The following ENTREP2 variants were observed in gnomAD, a reference collection of about 807,000 sequenced individuals.
ENTREP2 encodes the protein endosomal transmembrane epsin interactor 2.
chr15:29,300,250 G>GGATA, the ENTREP2 span, among the ~76,000 whole-genome samples: 3 of 148,716 alleles, frequency 2.0e-5, no homozygotes, highest in African/African-American at 5.0e-5. Flanking sequence ...ATGGATGGAT[G>GGATA]GATGGATGGA....
At chr15:29,672,026 G>A in the ENTREP2 span, among the ~76,000 whole-genome samples, 4 of 152,174 alleles carry the variant, frequency 2.6e-5, no homozygotes, top group African/African-American at 7.2e-5. Context: ...TCACTCTGTC[G>A]CCCAGGCTGG....
At chr15:29,621,214 C>A in the ENTREP2 span, among the ~76,000 whole-genome samples, 13 of 150,928 alleles carry the variant, frequency 8.6e-5, no homozygotes, top group Non-Finnish European at 1.6e-4. Flanking sequence ...ACGGTGAAAC[C>A]CCGTCTCTAC....
chr15:29,649,798 C>T, the ENTREP2 span, among the ~76,000 whole-genome samples: 3 of 150,402 alleles, frequency 2.0e-5, no homozygotes, highest in East Asian at 5.9e-4. Flanking sequence ...TGGCTAAAAT[C>T]AGGTTGTTCT....
the ENTREP2 span, among the ~76,000 whole-genome samples, chr15:29,626,414 G>A: frequency 1.3e-5 from 2 of 152,132 alleles, no homozygotes; most frequent in Non-Finnish European, 2.9e-5. Flanking sequence ...CCCTGCACAA[G>A]CTCTCTTGCC....
the ENTREP2 span, among the ~76,000 whole-genome samples, chr15:29,602,330 A>T: frequency 6.6e-6 from 1 of 151,434 alleles, no homozygotes; most frequent in African/African-American, 2.4e-5. Context: ...TAGATGTAAC[A>T]CAGTATTGAA....
chr15:29,506,812 G>A, the ENTREP2 span, among the ~76,000 whole-genome samples: 1 of 152,244 alleles, frequency 6.6e-6, no homozygotes, highest in Non-Finnish European at 1.5e-5. Flanking sequence ...AAACCAAAAT[G>A]TAAAGACTAT....
At chr15:29,603,764 G>A in the ENTREP2 span, among the ~76,000 whole-genome samples, 8 of 151,998 alleles carry the variant, frequency 5.3e-5, no homozygotes, top group Non-Finnish European at 1.0e-4. Flanking sequence ...TCAGCCTCCC[G>A]AGTAGCTGGG....
chr15:29,455,985 G>T, the ENTREP2 span, among the ~76,000 whole-genome samples: 1 of 152,152 alleles, frequency 6.6e-6, no homozygotes, highest in African/African-American at 2.4e-5. Context: ...GGCTCCCACT[G>T]ATTCTACATT....
the ENTREP2 span, among the ~76,000 whole-genome samples, chr15:29,670,934 G>A: frequency 1.3e-5 from 2 of 152,190 alleles, no homozygotes; most frequent in African/African-American, 4.8e-5. Context: ...TGGTGGCTGG[G>A]AGCCCCTGAA....
At chr15:29,242,331 A>C in the ENTREP2 span, among the ~76,000 whole-genome samples, 1 of 152,094 alleles carries the variant, frequency 6.6e-6, no homozygotes, top group Non-Finnish European at 1.5e-5. Flanking sequence ...GGCCTCCCAA[A>C]GTGCTGGGAT....
the ENTREP2 span, among the ~76,000 whole-genome samples, chr15:29,607,007 T>C: frequency 1.3e-5 from 2 of 152,064 alleles, no homozygotes; most frequent in East Asian, 3.9e-4. Flanking sequence ...CTAATTTTTG[T>C]ATTATTATAG....
At chr15:29,432,108 T>TTA in the ENTREP2 span, among the ~76,000 whole-genome samples, 3 of 152,230 alleles carry the variant, frequency 2.0e-5, no homozygotes, top group Admixed American at 6.5e-5. Context: ...GTGGATTGTG[T>TTA]TAAATATAAA....
At chr15:29,412,915 A>C in the ENTREP2 span, among the ~76,000 whole-genome samples, 1 of 151,718 alleles carries the variant, frequency 6.6e-6, no homozygotes, top group Non-Finnish European at 1.5e-5. Flanking sequence ...GTGTTCTTTA[A>C]ATTTATTCAT....
chr15:29,181,617 A>T, the ENTREP2 span, among the ~76,000 whole-genome samples: 1 of 152,192 alleles, frequency 6.6e-6, no homozygotes, highest in Non-Finnish European at 1.5e-5. Flanking sequence ...TCCATTCTAC[A>T]TGAATATATA....
At chr15:29,589,521 G>T in the ENTREP2 span, among the ~76,000 whole-genome samples, 1 of 152,148 alleles carries the variant, frequency 6.6e-6, no homozygotes. Flanking sequence ...TCACGGAGAA[G>T]GGGCTGCATA....
At chr15:29,653,575 T>C in the ENTREP2 span, among the ~76,000 whole-genome samples, 1 of 152,198 alleles carries the variant, frequency 6.6e-6, no homozygotes, top group Non-Finnish European at 1.5e-5. Context: ...AAGTGTTTGG[T>C]AGTTCCTCCT....
At chr15:29,381,511 G>C in the ENTREP2 span, among the ~76,000 whole-genome samples, 9 of 149,114 alleles carry the variant, frequency 6.0e-5, no homozygotes, top group African/African-American at 1.2e-4. Context: ...CCTTACAGGA[G>C]GACAGCAAAA....
chr15:29,672,865 G>A, the ENTREP2 span, among the ~76,000 whole-genome samples: 1 of 152,128 alleles, frequency 6.6e-6, no homozygotes, highest in African/African-American at 2.4e-5. Context: ...AGGGTTCTTG[G>A]ATCTCACGCA....
chr15:29,381,455 C>CA, the ENTREP2 span, among the ~76,000 whole-genome samples: 8,054 of 44,032 alleles, frequency 0.18, 1,357 homozygotes, highest in African/African-American at 0.29. Flanking sequence ...GACTCTGTCT[C>CA]AAAAAAAAAA....
Sources: allele counts gnomAD v4.1 joint callset (sites outside exome capture counted in the v4.1 genomes callset), GRCh38; gene constraint gnomAD v4.1.1; transcripts MANE v1.5; gene names NCBI Gene and HGNC (gene_info 2026-07-23, HGNC 2026-07-21).